Variants in CTNNB1 observed in about 807,000 individuals in gnomAD.
The protein encoded by CTNNB1 is catenin beta-1.
A neutral mutation model predicts 82.5 loss-of-function variants in CTNNB1; 6 were observed. The observed-to-expected ratio is 0.07, with a 90% CI of 0.04 to 0.14. CTNNB1 has a LOEUF of 0.14. Among genes scored for constraint, CTNNB1 ranks in the 10% least tolerant of loss-of-function variants. The pLI, the probability that CTNNB1 is intolerant of heterozygous loss-of-function variation, is 1.00. For missense variants in CTNNB1, 529 were observed against 980.4 expected, an observed-to-expected ratio of 0.54 and a Z score of 6.15; for synonymous variants, 312 against 329.7, an observed-to-expected ratio of 0.95 and a Z score of 0.58.
At chr3:41,233,080 G>A (rs1450705113) in intron 7 of CTNNB1, 1 of 566,720 alleles carries the variant, frequency 1.8e-6, no homozygotes, top group East Asian at 3.0e-5. Flanking sequence ...TTACCTAAGG[G>A]GGACAGTGGA....
In CTNNB1 at chr3:41,239,753, A is replaced by G. The variant is rs2078530318; in HGVS notation, c.*411A>G. ...TATCTCAGAAAGTGCCTGACACACT[A>G]ACCAAGCTGAGTTTCCTATGGGAAC... On this transcript the variant is annotated 3_prime_UTR_variant, in exon 15 of 15. Coordinates refer to ENST00000349496, the MANE Select transcript of CTNNB1 (RefSeq NM_001904.4). The G allele has an allele frequency of 3.1e-6, 1 of 325,568 alleles. No individual in the cohort carries two copies. The highest frequency in any genetic ancestry group is 5.8e-6 in the Non-Finnish European group (1 of 173,532). The allele number at this position is 325,568 out of a possible 1,614,324, so 20.2% of individuals were successfully genotyped here. A position where few individuals can be genotyped will look rare whatever the true frequency, so the allele number is the denominator to read the frequency against.
chr3:41,203,848 G>A (rs531057010), intron 1 of CTNNB1, among the ~76,000 whole-genome samples: 1 of 152,242 alleles, frequency 6.6e-6, no homozygotes, highest in African/African-American at 2.4e-5. Flanking sequence ...ATTAGCAACA[G>A]GAATGAAGCT....
At chr3:41,235,659 A>G in intron 10 of CTNNB1, 65 bp from the exon 11 acceptor site, 2 of 1,605,100 alleles carry the variant, frequency 1.2e-6, no homozygotes, top group Non-Finnish European at 8.5e-7. Flanking sequence ...ATTACAGTCT[A>G]ATAATTGTTC....
At chr3:41,235,630 C>T (rs111269329) in intron 10 of CTNNB1, 94 bp from the exon 11 acceptor site, 178 of 1,538,498 alleles carry the variant, frequency 1.2e-4, no homozygotes, top group Middle Eastern at 3.4e-4. Context: ...CGGGGAACTT[C>T]GGGTATATAA....
rs1214462278 is a variant in CTNNB1 at position 41,220,196 on chromosome 3, C to CT, written c.-48-3815dup. 4.6e-4 allele frequency among the ~76,000 whole-genome samples: 69 copies of CT among 149,204 alleles called. 1 individual carries two copies. The Middle Eastern group carries it at 0.01, about 23-fold the overall frequency. On this transcript the variant is annotated intron_variant, in intron 1 of 14. Coordinates refer to ENST00000349496, the MANE Select transcript of CTNNB1 (RefSeq NM_001904.4). ...CCAGCCATAAAGAGATTTCCTATTT[C>CT]TTTTTTTTTTCCATTTACCTTCTGT...
In CTNNB1 at chr3:41,239,085, T is replaced by C. The variant is rs760355624; in HGVS notation, c.2138-49T>C. 16 of 1,479,348 alleles carry C rather than the reference T, an allele frequency of 1.1e-5. 1 individual carries two copies. The South Asian group carries it at 1.8e-4, about 17-fold the overall frequency. The allele number at this position is 1,479,348 out of a possible 1,614,324, so 91.6% of individuals were successfully genotyped here. Reference sequence around the variant, plus strand: ...CGTCTATGTCTGCTTCTCTCCTCTCTCTTTTGCCTTCCTTCTTGCCTATTT... The same window carrying C: ...CGTCTATGTCTGCTTCTCTCCTCTCCCTTTTGCCTTCCTTCTTGCCTATTT... On this transcript the variant is annotated intron_variant, in intron 14 of 14. Coordinates refer to ENST00000349496, the MANE Select transcript of CTNNB1 (RefSeq NM_001904.4).
chr3:41,213,714 TA>T, intron 1 of CTNNB1, among the ~76,000 whole-genome samples: 1 of 152,284 alleles, frequency 6.6e-6, no homozygotes. Context: ...AACAAAAAAA[TA>T]TATACTACTG....
At chr3:41,218,474 A>G (rs2077964329) in intron 1 of CTNNB1, among the ~76,000 whole-genome samples, 1 of 152,198 alleles carries the variant, frequency 6.6e-6, no homozygotes, top group South Asian at 2.1e-4. Context: ...TATGAATGAA[A>G]TCTGTCCTAT....
chr3:41,203,165 G>C (rs1220908393), intron 1 of CTNNB1, among the ~76,000 whole-genome samples: 1 of 151,350 alleles, frequency 6.6e-6, no homozygotes, highest in African/African-American at 2.4e-5. Flanking sequence ...TGCATGCTTG[G>C]GTCATGTTGA....
In CTNNB1 at chr3:41,239,530, GGTT is replaced by G. The variant is rs1279421162; in HGVS notation, c.*192_*194del. ...AACATTGGAATGTTCTCAGATTTCT[GGTT>G]GTTATGTGATCATGTGTGGAAGTTA... is the stretch of plus-strand genomic sequence containing the variant. On this transcript the variant is annotated 3_prime_UTR_variant, in exon 15 of 15. Transcript: ENST00000349496. The G allele has an allele frequency of 2.4e-5, 15 of 623,728 alleles. No homozygotes were observed. The highest frequency in any genetic ancestry group is 3.7e-5 in the Non-Finnish European group (13 of 352,160). 38.6% of individuals were successfully genotyped at this position (623,728 alleles called of 1,614,324 possible).
At chr3:41,239,013 C>G in intron 14 of CTNNB1, 121 bp from the exon 15 acceptor site, 1 of 861,488 alleles carries the variant, frequency 1.2e-6, no homozygotes. Flanking sequence ...GCGTTGTTTT[C>G]TGACAAGTTT....
chr3:41,211,314 C>T (rs964306528), intron 1 of CTNNB1, among the ~76,000 whole-genome samples: 21 of 152,220 alleles, frequency 1.4e-4, no homozygotes, highest in Non-Finnish European at 2.9e-4. Context: ...TGCATGTCTT[C>T]ATATCCAAAA....
Position 41,233,579 on chromosome 3 carries a change from T to C in CTNNB1, c.1236T>C (p.Asp412=), listed in dbSNP as rs2078361196. ...LGTLVQLLGS[D]DINVVTCAAG... is the part of the protein sequence containing the mutation. ...CTCTTGTTCAGCTTCTGGGTTCAGA[T>C]GATATAAATGTGGTCACCTGTGCAG... Residue 412 remains aspartate, a synonymous_variant, in exon 9 of 15, where the codon GAT becomes GAC. Transcript: ENST00000349496. 1.9e-6 allele frequency: 3 copies of C among 1,614,176 alleles called. No individual in the cohort carries two copies. In the East Asian group the frequency reaches 6.7e-5, roughly 36 times the overall value.
At chr3:41,199,865 G>C (rs2077482231) in intron 1 of CTNNB1, 195 bp downstream of exon 1, 1 of 151,276 alleles carries the variant, frequency 6.6e-6, no homozygotes, top group African/African-American at 2.4e-5. Context: ...GCCGGGCCCG[G>C]GTTCCGGTCG....
intron 1 of CTNNB1, among the ~76,000 whole-genome samples, chr3:41,212,827 A>G (rs1351815493): frequency 1.3e-5 from 2 of 152,130 alleles, no homozygotes; most frequent in Non-Finnish European, 2.9e-5. Flanking sequence ...AATTTTTCTC[A>G]TCTACTATAT....
intron 6 of CTNNB1, among the ~76,000 whole-genome samples, 177 bp from the exon 7 acceptor site, chr3:41,227,031 A>T (rs1297696911): frequency 1.3e-5 from 2 of 152,138 alleles, no homozygotes; most frequent in Non-Finnish European, 2.9e-5. Flanking sequence ...CTTTAAAAGG[A>T]CAAGTTGGAT....
At chr3:41,220,009 T>G (rs983560638) in intron 1 of CTNNB1, among the ~76,000 whole-genome samples, 3 of 152,118 alleles carry the variant, frequency 2.0e-5, no homozygotes, top group Admixed American at 1.3e-4. Context: ...AGCAGTGAGT[T>G]TAATATACCA....
intron 1 of CTNNB1, among the ~76,000 whole-genome samples, chr3:41,203,419 C>A (rs1370520522): frequency 6.6e-6 from 1 of 152,062 alleles, no homozygotes; most frequent in Admixed American, 6.5e-5. Flanking sequence ...GTAGGCAGTT[C>A]TGCTTAAATA....
At chr3:41,215,173 C>T (rs1461201272) in intron 1 of CTNNB1, among the ~76,000 whole-genome samples, 1 of 132,780 alleles carries the variant, frequency 7.5e-6, no homozygotes, top group Admixed American at 8.2e-5. Flanking sequence ...GGCAGGAGTT[C>T]AAGATCAGCC....
Sources: gnomAD v4.1 joint callset for allele counts (sites outside exome capture counted in the v4.1 genomes callset) on GRCh38, gnomAD v4.1.1 for gene constraint, MANE v1.5 for transcripts, NCBI Gene and HGNC (gene_info 2026-07-23, HGNC 2026-07-21) for gene names.